The following SYNE1 variants were observed in gnomAD, a reference collection of about 807,000 sequenced individuals.
The protein encoded by SYNE1 is spectrin repeat containing nuclear envelope protein 1.
Under a neutral mutation model 1,111.0 loss-of-function variants are expected in SYNE1, and 616 were observed. That is an observed-to-expected ratio of 0.55 (90% CI 0.52 to 0.59). SYNE1 has a LOEUF of 0.59. Ranked by LOEUF, SYNE1 falls within the 20% of genes least tolerant of loss-of-function variation. SYNE1 has a pLI of 0.00. For missense variants in SYNE1, 10,006 were observed against 10,417.0 expected, an observed-to-expected ratio of 0.96 and a Z score of 1.72; for synonymous variants, 3,855 against 3,825.8, an observed-to-expected ratio of 1.01 and a Z score of -0.28.
At chr6:152,608,888 G>T (rs926423245) in intron 3 of SYNE1, among the ~76,000 whole-genome samples, 1 of 152,088 alleles carries the variant, frequency 6.6e-6, no homozygotes, top group Non-Finnish European at 1.5e-5. Flanking sequence ...AGCCAAGATC[G>T]CGCCACTGCA....
intron 56 of SYNE1, 113 bp downstream of exon 56, chr6:152,380,893 C>T: frequency 1.0e-6 from 1 of 977,056 alleles, no homozygotes; most frequent in Non-Finnish European, 1.7e-6. Context: ...ATACTTCTTC[C>T]AAGTGTGCAT....
At chr6:152,281,069 G>C (rs1268724794) in intron 97 of SYNE1, among the ~76,000 whole-genome samples, 1 of 152,018 alleles carries the variant, frequency 6.6e-6, no homozygotes, top group Non-Finnish European at 1.5e-5. Flanking sequence ...GACTAGACAG[G>C]GTTTTCTAGA....
intron 16 of SYNE1, among the ~76,000 whole-genome samples, chr6:152,469,977 T>C (rs137892341): frequency 1.6e-4 from 24 of 152,276 alleles, no homozygotes; most frequent in African/African-American, 5.8e-4. Flanking sequence ...CAAAATTACC[T>C]TAAAACCCTT....
At chr6:152,318,468 G>C (rs576980452) in intron 85 of SYNE1, 13 of 637,516 alleles carry the variant, frequency 2.0e-5, no homozygotes, top group Non-Finnish European at 3.2e-5. Flanking sequence ...TTCCTATGAG[G>C]CTGAGTGAGA....
intron 6 of SYNE1, among the ~76,000 whole-genome samples, chr6:152,515,740 TG>T (rs2099108260): frequency 3.9e-5 from 6 of 152,194 alleles, no homozygotes; most frequent in Admixed American, 3.9e-4. Context: ...GTTGGCTCTC[TG>T]TATTACTGTG....
intron 3 of SYNE1, among the ~76,000 whole-genome samples, chr6:152,552,465 A>ATATTTATG (rs150529519): frequency 0.14 from 20,616 of 148,410 alleles, 1,753 homozygotes; most frequent in Admixed American, 0.23. Context: ...TTTATATTAT[A>ATATTTATG]TATTTATATA....
At chr6:152,347,330 T>C (rs2096655359) in intron 72 of SYNE1, 95 bp from the exon 73 acceptor site, 5 of 1,434,132 alleles carry the variant, frequency 3.5e-6, no homozygotes, top group East Asian at 2.4e-5. Flanking sequence ...TGTTTAATAT[T>C]GTTTTTGAAA....
chr6:152,374,977 A>C (rs2097255085), intron 58 of SYNE1, among the ~76,000 whole-genome samples: 1 of 151,492 alleles, frequency 6.6e-6, no homozygotes, highest in Non-Finnish European at 1.5e-5. Context: ...GTCTTGCTCT[A>C]TAGCCCAGGC....
At chr6:152,160,190 T>A (rs2062174952) in intron 131 of SYNE1, among the ~76,000 whole-genome samples, 1 of 152,134 alleles carries the variant, frequency 6.6e-6, no homozygotes, top group African/African-American at 2.4e-5. Context: ...GTATTTTTAG[T>A]AGAGACGGGG....
chr6:152,222,749 G>A (rs1191899320), intron 117 of SYNE1, among the ~76,000 whole-genome samples: 1 of 152,190 alleles, frequency 6.6e-6, no homozygotes, highest in Non-Finnish European at 1.5e-5. Context: ...ATGGGGAAAA[G>A]AAAGATGTTG....
At chr6:152,310,268 C>T (rs1447881214) in intron 89 of SYNE1, 128 bp downstream of exon 89, 3 of 1,380,748 alleles carry the variant, frequency 2.2e-6, no homozygotes, top group African/African-American at 2.9e-5. Context: ...ATAGGGATAC[C>T]CTGTCTCTAT....
intron 130 of SYNE1, chr6:152,168,219 C>G (rs761465036): frequency 1.3e-6 from 1 of 756,628 alleles, no homozygotes; most frequent in African/African-American, 1.7e-5. Context: ...CTTCCACTTG[C>G]AAAAGTTAGA....
chr6:152,246,045 G>A (rs1381035269), intron 105 of SYNE1, among the ~76,000 whole-genome samples: 1 of 152,136 alleles, frequency 6.6e-6, no homozygotes, highest in African/African-American at 2.4e-5. Flanking sequence ...CTCCAGAGAT[G>A]AGAGGGAAAA....
At chr6:152,490,723 C>T (rs1014901274) in intron 11 of SYNE1, among the ~76,000 whole-genome samples, 4 of 152,154 alleles carry the variant, frequency 2.6e-5, no homozygotes, top group Non-Finnish European at 5.9e-5. Context: ...TTGTTGGGCT[C>T]TTCACACGGA....
At chr6:152,514,693 A>G (rs1396617297) in intron 6 of SYNE1, among the ~76,000 whole-genome samples, 1 of 151,942 alleles carries the variant, frequency 6.6e-6, no homozygotes, top group East Asian at 1.9e-4. Flanking sequence ...CCAAAGATTG[A>G]TCTTCCTCTC....
At chr6:152,461,570 C>T in intron 21 of SYNE1, 27 bp downstream of exon 21, 1 of 1,613,726 alleles carries the variant, frequency 6.2e-7, no homozygotes, top group Non-Finnish European at 8.5e-7. Flanking sequence ...GTCACACAGC[C>T]TATTGTGCAT....
intron 3 of SYNE1, among the ~76,000 whole-genome samples, chr6:152,625,777 G>A (rs2099684473): frequency 6.6e-6 from 1 of 152,124 alleles, no homozygotes; most frequent in Non-Finnish European, 1.5e-5. Flanking sequence ...AGAAAAATTT[G>A]CAGGAAAAAA....
chr6:152,629,521 CCGG>C (rs2099693482), intron 2 of SYNE1, among the ~76,000 whole-genome samples: 1 of 690 alleles, frequency 1.4e-3, no homozygotes, highest in African/African-American at 0.011. Context: ...AGTTTCATTG[CCGG>C]GGGGGGGGGG....
At chr6:152,520,328 T>C in intron 6 of SYNE1, 131 bp downstream of exon 6, 3 of 913,668 alleles carry the variant, frequency 3.3e-6, no homozygotes, top group Non-Finnish European at 5.2e-6. Context: ...TATAATACAA[T>C]GATATTGTAT....
Sources: allele counts gnomAD v4.1 joint callset (sites outside exome capture counted in the v4.1 genomes callset), GRCh38; gene constraint gnomAD v4.1.1; transcripts MANE v1.5; gene names NCBI Gene and HGNC (gene_info 2026-07-23, HGNC 2026-07-21).